Variants in DLG2 observed in about 807,000 individuals in gnomAD.
The protein encoded by DLG2 is discs large MAGUK scaffold protein 2, also known as disks large homolog 2.
In DLG2, 45 loss-of-function variants were observed where a neutral mutation model predicts 132.5. The ratio of observed to expected loss-of-function variants is 0.34; its 90% CI spans 0.27 to 0.44. The LOEUF is 0.44. Ranked by LOEUF, DLG2 falls within the 20% of genes least tolerant of loss-of-function variation. DLG2 has a pLI of 1.00. For missense variants in DLG2, 1,045 were observed against 1,196.9 expected (o/e 0.87, Z 1.87); for synonymous variants, 424 against 419.6 (o/e 1.01, Z -0.13).
chr11:84,860,694 T>A (rs759695367), intron 6 of DLG2, among the ~76,000 whole-genome samples: 5 of 152,156 alleles, frequency 3.3e-5, no homozygotes, highest in Admixed American at 1.3e-4. Flanking sequence ...AAACTCTGCC[T>A]TCTTTTCATT....
At chr11:85,428,529 T>A in intron 3 of DLG2, among the ~76,000 whole-genome samples, 1 of 152,194 alleles carries the variant, frequency 6.6e-6, no homozygotes, top group Non-Finnish European at 1.5e-5. Context: ...GTATGACTAC[T>A]GGGTACATAA....
chr11:84,959,946 C>T (rs184566873), intron 6 of DLG2, among the ~76,000 whole-genome samples: 6 of 152,092 alleles, frequency 3.9e-5, no homozygotes, highest in Non-Finnish European at 8.8e-5. Flanking sequence ...AAGATTGGTT[C>T]TGTGGGAGTG....
Position 84,867,327 on chromosome 11 carries a change from G to A in DLG2, c.357+244334C>T, listed in dbSNP as rs146797797. Among the ~76,000 whole-genome samples the A allele has an allele frequency of 5.4e-4, 83 of 152,314 alleles. No homozygotes were observed. In the East Asian group the frequency reaches 0.015, roughly 28 times the overall value. ...TAGCCATTGGCCTCACTCAGAGTGG[G>A]AGTATGGACTCCTTTAGCTTGTTGC... On this transcript the variant is annotated intron_variant, in intron 6 of 27. Transcript: ENST00000376104.
At chr11:84,203,599 A>AAAAAG (rs2096626355) in intron 8 of DLG2, among the ~76,000 whole-genome samples, 1 of 151,324 alleles carries the variant, frequency 6.6e-6, no homozygotes, top group Non-Finnish European at 1.5e-5. Flanking sequence ...AAAAAAAAAA[A>AAAAAG]GGAATGAGAT....
At chr11:83,905,976 G>A (rs933492716) in intron 15 of DLG2, among the ~76,000 whole-genome samples, 2 of 151,052 alleles carry the variant, frequency 1.3e-5, no homozygotes, top group African/African-American at 4.9e-5. Flanking sequence ...TTTGTGAATA[G>A]CTGTGTTTTG....
rs1333117325 is a variant in DLG2 at position 83,455,816 on chromosome 11, G to A, written c.*4002C>T. 1.3e-5 allele frequency: 2 copies of A among 152,568 alleles called. No homozygotes were observed. The highest frequency in any genetic ancestry group is 2.9e-5 in the Non-Finnish European group (2 of 68,068). The allele number at this position is 152,568 out of a possible 1,614,324, so 9.5% of individuals were successfully genotyped here. On this transcript the variant is annotated 3_prime_UTR_variant, in exon 28 of 28. Transcript: ENST00000376104. ...CCCTGGCAAGTCAGCTGTCACAGGA[G>A]GTACTCCACATGCTTCAAGGGAATT...
At chr11:84,666,157 T>C (rs1170342014) in intron 6 of DLG2, among the ~76,000 whole-genome samples, 1 of 152,054 alleles carries the variant, frequency 6.6e-6, no homozygotes, top group African/African-American at 2.4e-5. Context: ...TCTGTAAGGG[T>C]GTTTGGGGAT....
chr11:85,209,520 C>A (rs1208803573), intron 4 of DLG2, among the ~76,000 whole-genome samples: 1 of 132,122 alleles, frequency 7.6e-6, no homozygotes, highest in Non-Finnish European at 1.6e-5. Context: ...CTCTGCCTCC[C>A]AGGTTCAAGC....
intron 3 of DLG2, chr11:85,336,544 C>G (rs1158197598): frequency 1.2e-5 from 2 of 160,376 alleles, no homozygotes; most frequent in Non-Finnish European, 2.7e-5. Context: ...CTCCACTTCT[C>G]TGAGACCTCA....
At chr11:85,483,918 T>C (rs1243173185) in intron 3 of DLG2, among the ~76,000 whole-genome samples, 5 of 147,534 alleles carry the variant, frequency 3.4e-5, no homozygotes, top group Non-Finnish European at 7.5e-5. Flanking sequence ...AGAATAATAA[T>C]AGCTACAATA....
chr11:85,360,446 T>C (rs1280186283), intron 3 of DLG2, among the ~76,000 whole-genome samples: 1 of 152,206 alleles, frequency 6.6e-6, no homozygotes, highest in Non-Finnish European at 1.5e-5. Flanking sequence ...ATTTAGTACA[T>C]GGTAAGTTTT....
intron 7 of DLG2, among the ~76,000 whole-genome samples, chr11:84,350,502 G>A (rs1306073038): frequency 6.6e-6 from 1 of 152,148 alleles, no homozygotes; most frequent in East Asian, 1.9e-4. Context: ...GACCACAGAT[G>A]TTCCTTCAGC....
intron 19 of DLG2, among the ~76,000 whole-genome samples, chr11:83,547,711 G>A (rs1339283388): frequency 3.3e-5 from 5 of 152,084 alleles, no homozygotes; most frequent in Admixed American, 2.6e-4. Context: ...ATTTTAGTCT[G>A]GTGAGATCTG....
intron 7 of DLG2, among the ~76,000 whole-genome samples, chr11:84,498,136 A>T (rs1161603325): frequency 6.6e-6 from 1 of 152,218 alleles, no homozygotes; most frequent in African/African-American, 2.4e-5. Flanking sequence ...ACAAAAACGA[A>T]AAGAGATAAC....
At chr11:83,509,946 A>G (rs2094921433) in intron 21 of DLG2, among the ~76,000 whole-genome samples, 1 of 152,158 alleles carries the variant, frequency 6.6e-6, no homozygotes, top group South Asian at 2.1e-4. Context: ...ACTAACACAC[A>G]CAAGATACTT....
chr11:84,483,628 C>T (rs1043427900), intron 7 of DLG2, among the ~76,000 whole-genome samples: 7 of 151,970 alleles, frequency 4.6e-5, no homozygotes, highest in South Asian at 2.1e-4. Context: ...AATAAGGTAT[C>T]GTTACGAGTT....
intron 11 of DLG2, among the ~76,000 whole-genome samples, chr11:83,992,698 A>G (rs1338505633): frequency 6.6e-6 from 1 of 152,126 alleles, no homozygotes; most frequent in African/African-American, 2.4e-5. Context: ...AGAAATATCC[A>G]AGTATCCAAT....
intron 6 of DLG2, among the ~76,000 whole-genome samples, chr11:84,859,416 G>GTATATATGTATA (rs1566174951): frequency 7.2e-6 from 1 of 139,718 alleles, no homozygotes; most frequent in African/African-American, 2.7e-5. Context: ...ACATATATAT[G>GTATATATGTATA]TATACATATA....
At chr11:84,265,820 A>G (rs575258317) in intron 7 of DLG2, among the ~76,000 whole-genome samples, 4 of 152,274 alleles carry the variant, frequency 2.6e-5, no homozygotes, top group African/African-American at 7.2e-5. Flanking sequence ...TCTTCTCGCT[A>G]AATAAAAATA....
Sources: allele counts gnomAD v4.1 joint callset (sites outside exome capture counted in the v4.1 genomes callset), GRCh38; gene constraint gnomAD v4.1.1; transcripts MANE v1.5; gene names NCBI Gene and HGNC (gene_info 2026-07-23, HGNC 2026-07-21).